The following PIEZO2 variants were observed in gnomAD, a reference collection of about 807,000 sequenced individuals.
The protein encoded by PIEZO2 is piezo type mechanosensitive ion channel component 2, also known as piezo-type mechanosensitive ion channel component 2.
Under a neutral mutation model 337.3 loss-of-function variants are expected in PIEZO2, and 172 were observed. The observed-to-expected ratio is 0.51, with a 90% CI of 0.45 to 0.58. PIEZO2 has a LOEUF of 0.58. Among genes scored for constraint, PIEZO2 ranks in the 20% least tolerant of loss-of-function variants. The pLI is 0.00. For synonymous variants in PIEZO2, 1,251 were observed against 1,228.5 expected, an observed-to-expected ratio of 1.02 and a Z score of -0.38; for missense variants, 3,028 against 3,391.3, an observed-to-expected ratio of 0.89 and a Z score of 2.66.
intron 2 of PIEZO2, among the ~76,000 whole-genome samples, chr18:11,045,191 G>A (rs911766564): frequency 2.0e-5 from 3 of 150,842 alleles, no homozygotes; most frequent in East Asian, 2.0e-4. Context: ...CAGCTACCTG[G>A]GAGGCTGAGG....
chr18:10,990,784 A>G (rs570646054), intron 2 of PIEZO2, among the ~76,000 whole-genome samples: 96 of 151,332 alleles, frequency 6.3e-4, no homozygotes, highest in Non-Finnish European at 8.0e-4. Context: ...TCTTTAGACT[A>G]TTAATGTAGT....
intron 2 of PIEZO2, among the ~76,000 whole-genome samples, chr18:11,055,177 C>G (rs1308719930): frequency 1.4e-5 from 2 of 141,274 alleles, no homozygotes; most frequent in African/African-American, 2.7e-5. Context: ...TGCCACTGCA[C>G]TCCAGCCTGG....
At chr18:10,866,318 C>T (rs144560722) in intron 5 of PIEZO2, among the ~76,000 whole-genome samples, 268 of 149,662 alleles carry the variant, frequency 1.8e-3, no homozygotes, top group African/African-American at 6.2e-3. Flanking sequence ...CAGAGTCCCA[C>T]TCTGTCACCC....
At chr18:10,927,042 G>T (rs2031783314) in intron 3 of PIEZO2, among the ~76,000 whole-genome samples, 2 of 152,176 alleles carry the variant, frequency 1.3e-5, no homozygotes, top group South Asian at 4.1e-4. Flanking sequence ...TGGCCACAAG[G>T]ACCAAGGAGG....
At chr18:10,843,460 A>G (rs1042286336) in intron 7 of PIEZO2, among the ~76,000 whole-genome samples, 1 of 152,154 alleles carries the variant, frequency 6.6e-6, no homozygotes, top group Non-Finnish European at 1.5e-5. Flanking sequence ...CAAGAAATTT[A>G]CCACCACTAA....
chr18:10,771,983 G>A (rs1037850840), intron 20 of PIEZO2, among the ~76,000 whole-genome samples: 3 of 152,152 alleles, frequency 2.0e-5, no homozygotes, highest in Non-Finnish European at 2.9e-5. Context: ...AGTGATGCTG[G>A]CAATTTGAAT....
chr18:10,716,727 C>G lies in PIEZO2; in HGVS notation c.5090-911G>C, dbSNP rs1324302263. Among the ~76,000 whole-genome samples, 1 of 152,188 alleles carries G rather than the reference C, an allele frequency of 6.6e-6. No homozygotes were observed. The highest frequency in any genetic ancestry group is 1.5e-5 in the Non-Finnish European group (1 of 68,028). On this transcript the variant is annotated intron_variant, in intron 37 of 55. Transcript: ENST00000674853. The surrounding 1 kb of genome is among the most constrained non-coding windows in gnomAD (Gnocchi z 4.1). Reference sequence around the variant, plus strand: ...ACAATCATTCAGATAGAGCCTCTAGCTGCTCTGTGTAGACATAAAGGGGAA... The same window carrying G: ...ACAATCATTCAGATAGAGCCTCTAGGTGCTCTGTGTAGACATAAAGGGGAA...
chr18:10,707,990 G>T lies in PIEZO2; in HGVS notation c.5588+285C>A, dbSNP rs1165234122. On this transcript the variant is annotated intron_variant, in intron 40 of 55. Transcript: ENST00000674853. The surrounding 1 kb of genome is among the most constrained non-coding windows in gnomAD (Gnocchi z 4.2). The stretch of plus-strand genomic sequence containing the variant: ...AAACATGCTTATGTCTCTGAAAATG[G>T]AAAGTTTGAAATACTGAAAACATGG... Among the ~76,000 whole-genome samples the T allele has an allele frequency of 6.6e-6, 1 of 152,146 alleles. No homozygotes were observed. Among genetic ancestry groups the T allele is most frequent in the African/African-American group, 2.4e-5 (1 of 41,430 alleles).
chr18:10,949,395 C>T (rs2033181531), intron 3 of PIEZO2, among the ~76,000 whole-genome samples: 1 of 152,160 alleles, frequency 6.6e-6, no homozygotes, highest in Non-Finnish European at 1.5e-5. Context: ...AGAGGTTGGG[C>T]TAAAGATCGC....
chr18:10,977,315 T>C (rs998905580), intron 3 of PIEZO2, among the ~76,000 whole-genome samples: 1 of 151,532 alleles, frequency 6.6e-6, no homozygotes, highest in African/African-American at 2.4e-5. Flanking sequence ...TATATATATA[T>C]ATATAAACTC....
chr18:10,787,178 A>G lies in PIEZO2; in HGVS notation c.2176T>C (p.Tyr726His), dbSNP rs2039252174. 1 of 1,511,884 alleles carries G rather than the reference A, an allele frequency of 6.6e-7. No homozygotes were observed. The highest frequency in any genetic ancestry group is 1.4e-5 in the African/African-American group (1 of 71,164). The allele number at this position is 1,511,884 out of a possible 1,614,324, so 93.7% of individuals were successfully genotyped here. A position where few individuals can be genotyped will look rare whatever the true frequency, so the allele number is the denominator to read the frequency against. Reference protein sequence around the residue: ...LFCVALYQVHYEWWRKILKYF... With the variant: ...LFCVALYQVHHEWWRKILKYF... ...TTTAGAATTTTCCTCCACCATTCAT[A>G]GTGCACCTGCAAATCAGACATTGAA... Residue 726 changes from tyrosine (Y) to histidine (H), a missense_variant, in exon 16 of 56, where the codon TAT becomes CAT. By Grantham distance (83) the Tyr-to-His change is moderately conservative (BLOSUM62 2). Coordinates refer to ENST00000674853, the MANE Select transcript of PIEZO2 (RefSeq NM_001378183.1).
At chr18:10,848,106 C>A (rs922775236) in intron 7 of PIEZO2, among the ~76,000 whole-genome samples, 1 of 152,168 alleles carries the variant, frequency 6.6e-6, no homozygotes, top group African/African-American at 2.4e-5. Flanking sequence ...TGATGGGGTG[C>A]AAAAGTACAT....
At chr18:10,791,965 A>G (rs1365327456) in intron 13 of PIEZO2, among the ~76,000 whole-genome samples, 1 of 152,126 alleles carries the variant, frequency 6.6e-6, no homozygotes, top group Non-Finnish European at 1.5e-5. Flanking sequence ...TTTTTGTTTG[A>G]GAGGGAGTTT....
rs138886707 is a variant in PIEZO2, at chr18:11,083,166, A to G, written c.65-16944T>C. Among the ~76,000 whole-genome samples, 1 of 152,352 alleles carries G rather than the reference A, an allele frequency of 6.6e-6. No individual in the cohort carries two copies. The highest frequency in any genetic ancestry group is 1.9e-4 in the East Asian group (1 of 5,176). On this transcript the variant is annotated intron_variant, in intron 1 of 55. Coordinates refer to ENST00000674853, the MANE Select transcript of PIEZO2 (RefSeq NM_001378183.1). The surrounding 1 kb of genome is among the most constrained non-coding windows in gnomAD (Gnocchi z 4.4). ...TTTGCATACCTTGCCTGAAGCTGGT[A>G]TAAAGACAGACTTCTCTTAGACAAA... is the stretch of plus-strand genomic sequence containing the variant.
chr18:10,775,823 C>T lies in PIEZO2; in HGVS notation c.2535-1785G>A, dbSNP rs145714449. Among the ~76,000 whole-genome samples, 5 of 152,230 alleles carry T rather than the reference C, an allele frequency of 3.3e-5. No homozygotes were observed. Among genetic ancestry groups the T allele is most frequent in the Non-Finnish European group, 7.3e-5 (5 of 68,028 alleles). On this transcript the variant is annotated intron_variant, in intron 18 of 55. Coordinates refer to ENST00000674853, the MANE Select transcript of PIEZO2 (RefSeq NM_001378183.1). The surrounding 1 kb of genome is among the most constrained non-coding windows in gnomAD (Gnocchi z 4.3). The stretch of plus-strand genomic sequence containing the variant: ...ACAAATGAGAAGGGCATCTCTGCAT[C>T]CAACACTGCTCATTCCCTCTGACCT...
chr18:10,902,090 C>T (rs539814279), intron 4 of PIEZO2, among the ~76,000 whole-genome samples: 1 of 152,296 alleles, frequency 6.6e-6, no homozygotes, highest in South Asian at 2.1e-4. Flanking sequence ...CTCATAGGAG[C>T]GAGAACCCTA....
rs1459600764 is a variant in PIEZO2 at position 11,038,235 on chromosome 18, C to G, written c.160+27892G>C. On this transcript the variant is annotated intron_variant, in intron 2 of 55. Transcript: ENST00000674853. This position sits in a 1 kb window ranked among gnomAD's most constrained non-coding sequence, Gnocchi z 4.1. ...AACACAGCCATAAAAATCATACCACCCGTTCACATATAATTCATCATATTC... is the reference window on the plus strand; with the variant it reads ...AACACAGCCATAAAAATCATACCACGCGTTCACATATAATTCATCATATTC... Among the ~76,000 whole-genome samples the G allele has an allele frequency of 6.6e-6, 1 of 152,238 alleles. No homozygotes were observed. The highest frequency in any genetic ancestry group is 1.9e-4 in the East Asian group (1 of 5,176).
At chr18:10,947,837 T>C (rs2033104836) in intron 3 of PIEZO2, among the ~76,000 whole-genome samples, 2 of 152,132 alleles carry the variant, frequency 1.3e-5, no homozygotes, top group Admixed American at 6.5e-5. Context: ...AAGAGAGAAA[T>C]GCTAGTATAC....
At chr18:10,987,124 C>T (rs1197000046) in intron 2 of PIEZO2, among the ~76,000 whole-genome samples, 1 of 151,784 alleles carries the variant, frequency 6.6e-6, no homozygotes, top group Non-Finnish European at 1.5e-5. Context: ...TTTAAGATGC[C>T]CATACTGCCA....
Sources: gnomAD v4.1 joint callset for allele counts (sites outside exome capture counted in the v4.1 genomes callset) on GRCh38, gnomAD v4.1.1 for gene constraint, Gnocchi (gnomAD v3.1) non-coding constraint, MANE v1.5 for transcripts, NCBI Gene and HGNC (gene_info 2026-07-23, HGNC 2026-07-21) for gene names.